Variants in PRKCB observed in about 807,000 individuals in gnomAD.
The protein encoded by PRKCB is protein kinase C beta type.
A neutral mutation model predicts 81.5 loss-of-function variants in PRKCB; 13 were observed. That is an observed-to-expected ratio of 0.16 (90% CI 0.10 to 0.25). PRKCB has a LOEUF of 0.25. Among genes scored for constraint, PRKCB ranks in the 10% least tolerant of loss-of-function variants. The pLI is 1.00. For missense variants in PRKCB, 509 were observed against 875.7 expected, an observed-to-expected ratio of 0.58 and a Z score of 5.29; for synonymous variants, 335 against 321.4, an observed-to-expected ratio of 1.04 and a Z score of -0.45.
At position 24,194,135 on chromosome 16, in the gene PRKCB, T is replaced by C. The variant is rs192182091; in HGVS notation, c.1863+2905T>C. On this transcript the variant is annotated intron_variant, in intron 16 of 16. Coordinates refer to ENST00000643927, the MANE Select transcript of PRKCB (RefSeq NM_002738.7). ...TGAGGTCAGGAGTTCGAGACCAGCCTGGCCAACATAGTGAAACCCCATCTG... is the reference window on the plus strand; with the variant it reads ...TGAGGTCAGGAGTTCGAGACCAGCCCGGCCAACATAGTGAAACCCCATCTG... Among the ~76,000 whole-genome samples the C allele has an allele frequency of 4.8e-3, 728 of 152,232 alleles. 3 individuals are homozygous for C. Among genetic ancestry groups the C allele is most frequent in the Middle Eastern group, 0.01 (3 of 294 alleles).
chr16:24,109,061 C>T (rs1202116141), intron 7 of PRKCB, among the ~76,000 whole-genome samples: 2 of 138,196 alleles, frequency 1.4e-5, no homozygotes, highest in African/African-American at 2.8e-5. Flanking sequence ...CCAGATGGGG[C>T]GGCTGGCCGG....
rs780530354 is a variant in PRKCB at position 23,837,414 on chromosome 16, C to T, written c.205+8C>T. 4.3e-5 allele frequency: 70 copies of T among 1,609,672 alleles called. No individual in the cohort carries two copies. The highest frequency in any genetic ancestry group is 5.6e-5 in the Non-Finnish European group (66 of 1,178,658). On this transcript the variant is annotated splice_region_variant and intron_variant, in intron 2 of 16. Coordinates refer to ENST00000643927, the MANE Select transcript of PRKCB (RefSeq NM_002738.7). Reference sequence around the variant, plus strand: ...AGGGATTCCAGTGCCAAGGTAGGCTCTGGGGCTTTGGGGATGCTATTTGTG... The same window carrying T: ...AGGGATTCCAGTGCCAAGGTAGGCTTTGGGGCTTTGGGGATGCTATTTGTG...
chr16:24,153,846 G>A (rs186610599), intron 9 of PRKCB, among the ~76,000 whole-genome samples: 62 of 152,302 alleles, frequency 4.1e-4, no homozygotes, highest in African/African-American at 1.4e-3. Context: ...GGAGTTAAGG[G>A]TCAGAGAACG....
intron 2 of PRKCB, among the ~76,000 whole-genome samples, chr16:23,955,120 G>T (rs1357335946): frequency 6.6e-6 from 1 of 152,074 alleles, no homozygotes; most frequent in Non-Finnish European, 1.5e-5. Flanking sequence ...TACTTGGGAG[G>T]TTGAGGCACG....
chr16:24,044,726 C>T (rs938161629), intron 5 of PRKCB, among the ~76,000 whole-genome samples: 1 of 152,152 alleles, frequency 6.6e-6, no homozygotes, highest in Admixed American at 6.5e-5. Context: ...GAGTTCACTG[C>T]GTAGTTGTGA....
At chr16:24,046,030 T>G (rs34230887) in intron 5 of PRKCB, among the ~76,000 whole-genome samples, 27,548 of 152,272 alleles carry the variant, frequency 0.18, 2,992 homozygotes, top group East Asian at 0.31. Flanking sequence ...TACCTGCATG[T>G]CCTGGCCTGG....
intron 10 of PRKCB, among the ~76,000 whole-genome samples, chr16:24,168,954 C>T (rs567337961): frequency 6.6e-6 from 1 of 152,134 alleles, no homozygotes; most frequent in East Asian, 1.9e-4. Context: ...TTGGAAAACA[C>T]TTGTCTGGCT....
At chr16:24,129,542 T>TCTAC (rs1966850122) in intron 9 of PRKCB, among the ~76,000 whole-genome samples, 1 of 152,020 alleles carries the variant, frequency 6.6e-6, no homozygotes, top group African/African-American at 2.4e-5. Flanking sequence ...TATCTATCTA[T>TCTAC]CTATCCATCT....
At chr16:23,863,197 T>G (rs1188548866) in intron 2 of PRKCB, among the ~76,000 whole-genome samples, 1 of 118,798 alleles carries the variant, frequency 8.4e-6, no homozygotes, top group African/African-American at 3.0e-5. Flanking sequence ...CATACATACG[T>G]ATATATGTGT....
intron 2 of PRKCB, among the ~76,000 whole-genome samples, chr16:23,877,169 G>A (rs1963028645): frequency 6.6e-6 from 1 of 151,926 alleles, no homozygotes; most frequent in African/African-American, 2.4e-5. Flanking sequence ...GGGTAACATA[G>A]TGAGACCCTG....
intron 13 of PRKCB, among the ~76,000 whole-genome samples, chr16:24,181,771 C>CAAA (rs71154286): frequency 1.4e-3 from 34 of 24,560 alleles, no homozygotes; most frequent in African/African-American, 5.6e-3. Flanking sequence ...GACCCTGTCT[C>CAAA]AAAAAAAAAA....
intron 5 of PRKCB, among the ~76,000 whole-genome samples, chr16:24,057,309 G>A (rs1378317433): frequency 6.6e-6 from 1 of 152,148 alleles, no homozygotes; most frequent in Non-Finnish European, 1.5e-5. Context: ...AGGGAAAAAT[G>A]CAGCTCAGAG....
At chr16:24,157,380 C>G (rs1301922343) in intron 10 of PRKCB, among the ~76,000 whole-genome samples, 2 of 152,144 alleles carry the variant, frequency 1.3e-5, no homozygotes, top group Non-Finnish European at 2.9e-5. Context: ...GCGGTTACCT[C>G]CATGCTAGTT....
Position 24,218,200 on chromosome 16 carries a change from C to G in PRKCB, c.*3384C>G, listed in dbSNP as rs1446749274. On this transcript the variant is annotated 3_prime_UTR_variant, in exon 17 of 17. Transcript: ENST00000643927. Reference sequence around the variant, plus strand: ...AAATAAACAAGACAATTTCTGAAAGCAATAAGTGCAATCAAGATAATTAAA... The same window carrying G: ...AAATAAACAAGACAATTTCTGAAAGGAATAAGTGCAATCAAGATAATTAAA... 1.0e-6 allele frequency: 1 copy of G among 985,098 alleles called. No homozygotes were observed. The highest frequency in any genetic ancestry group is 1.7e-5 in the African/African-American group (1 of 57,168). 61.0% of individuals were successfully genotyped at this position (985,098 alleles called of 1,614,324 possible). A position where few individuals can be genotyped will look rare whatever the true frequency, so the allele number is the denominator to read the frequency against.
At chr16:24,178,324 T>C (rs1967567313) in intron 12 of PRKCB, among the ~76,000 whole-genome samples, 1 of 152,206 alleles carries the variant, frequency 6.6e-6, no homozygotes, top group South Asian at 2.1e-4. Flanking sequence ...GAAGCAGAAA[T>C]GCGGATTTAT....
chr16:23,963,786 A>G (rs978842815), intron 2 of PRKCB: 3 of 152,274 alleles, frequency 2.0e-5, no homozygotes, highest in Non-Finnish European at 2.9e-5. Flanking sequence ...TGGGGCTGCC[A>G]CATAAGGAAC....
chr16:24,184,062 A>T (rs1967666675), intron 13 of PRKCB, among the ~76,000 whole-genome samples: 1 of 152,236 alleles, frequency 6.6e-6, no homozygotes, highest in Non-Finnish European at 1.5e-5. Flanking sequence ...AACCTAATCA[A>T]CTGGAAATTT....
chr16:24,057,416 C>A (rs866084528), intron 5 of PRKCB, among the ~76,000 whole-genome samples: 1 of 152,212 alleles, frequency 6.6e-6, no homozygotes, highest in Non-Finnish European at 1.5e-5. Context: ...GCTGTTAATG[C>A]ATAGCTTTCC....
chr16:24,043,944 G>T (rs776122139), intron 5 of PRKCB, among the ~76,000 whole-genome samples: 1 of 152,078 alleles, frequency 6.6e-6, no homozygotes, highest in Non-Finnish European at 1.5e-5. Context: ...AAACACCAGC[G>T]TGCAAAGAAA....
Sources: gnomAD v4.1 joint callset for allele counts (sites outside exome capture counted in the v4.1 genomes callset) on GRCh38, gnomAD v4.1.1 for gene constraint, MANE v1.5 for transcripts, NCBI Gene and HGNC (gene_info 2026-07-23, HGNC 2026-07-21) for gene names.